The following EPHB1 variants were observed in gnomAD, a reference collection of about 807,000 sequenced individuals.
EPHB1 encodes the protein EPH receptor B1.
Under a neutral mutation model 94.4 loss-of-function variants are expected in EPHB1, and 30 were observed. The ratio of observed to expected loss-of-function variants is 0.32; its 90% CI spans 0.24 to 0.43. The LOEUF is 0.43. Among genes scored for constraint, EPHB1 ranks in the 20% least tolerant of loss-of-function variants. The pLI is 1.00. For missense variants in EPHB1, 1,055 were observed against 1,308.3 expected, an observed-to-expected ratio of 0.81 and a Z score of 2.99; for synonymous variants, 522 against 489.1, an observed-to-expected ratio of 1.07 and a Z score of -0.89.
chr3:134,960,016 C>T lies in EPHB1; in HGVS notation c.805+7964C>T, dbSNP rs866390138. The stretch of plus-strand genomic sequence containing the variant: ...TTTTTTTTTTTTTTTTTTGCATGGA[C>T]GGAGACTCACCACTTTTCAGTTTGA... On this transcript the variant is annotated intron_variant, in intron 3 of 15. Coordinates refer to ENST00000398015, the MANE Select transcript of EPHB1 (RefSeq NM_004441.5). Among the ~76,000 whole-genome samples, 32 of 94,622 alleles carry T rather than the reference C, an allele frequency of 3.4e-4. 1 individual carries two copies. In the Middle Eastern group the frequency reaches 0.049, roughly 145 times the overall value. The allele number at this position is 94,622 out of a possible 152,430, so 62.1% of individuals were successfully genotyped here.
chr3:134,953,809 T>A (rs1933133014), intron 3 of EPHB1, among the ~76,000 whole-genome samples: 1 of 152,234 alleles, frequency 6.6e-6, no homozygotes, highest in Admixed American at 6.5e-5. Flanking sequence ...ACTTTTCTTT[T>A]TTAGAGGGTT....
At chr3:135,011,884 T>C (rs1935632176) in intron 3 of EPHB1, among the ~76,000 whole-genome samples, 1 of 152,258 alleles carries the variant, frequency 6.6e-6, no homozygotes, top group Non-Finnish European at 1.5e-5. Flanking sequence ...TTGATTTTTC[T>C]CTTTTTTCCT....
intron 1 of EPHB1, among the ~76,000 whole-genome samples, chr3:134,878,413 A>G (rs1157802437): frequency 6.6e-6 from 1 of 152,244 alleles, no homozygotes; most frequent in Non-Finnish European, 1.5e-5. Flanking sequence ...CCTTTGAATT[A>G]GAAACCCTAC....
intron 1 of EPHB1, among the ~76,000 whole-genome samples, chr3:134,916,742 C>T (rs952687941): frequency 1.5e-5 from 2 of 133,370 alleles, no homozygotes; most frequent in African/African-American, 6.3e-5. Flanking sequence ...CGTGCCTCTC[C>T]CTCCACACCT....
chr3:135,019,631 G>T (rs2107753596), intron 3 of EPHB1, among the ~76,000 whole-genome samples: 1 of 152,080 alleles, frequency 6.6e-6, no homozygotes, highest in Middle Eastern at 3.4e-3. Flanking sequence ...TGTGTGTATG[G>T]GATCACATTG....
At chr3:135,005,942 G>A (rs748197295) in intron 3 of EPHB1, among the ~76,000 whole-genome samples, 131 of 152,322 alleles carry the variant, frequency 8.6e-4, no homozygotes, top group Non-Finnish European at 1.6e-3. Context: ...GCTGGGAGCT[G>A]TAGACCGGAG....
chr3:135,107,573 G>A (rs1342400171), intron 4 of EPHB1, among the ~76,000 whole-genome samples: 1 of 152,130 alleles, frequency 6.6e-6, no homozygotes, highest in African/African-American at 2.4e-5. Flanking sequence ...TGTGAGCAGG[G>A]ACCTTTCTTT....
chr3:134,795,560 C>T lies in EPHB1; in HGVS notation c.-72C>T. Reference sequence around the variant, plus strand: ...AAGCCACCCGCGGAGAGCGCAGCGGCGCCCTGGGACGCGGCGCTCTCCCGG... The same window carrying T: ...AAGCCACCCGCGGAGAGCGCAGCGGTGCCCTGGGACGCGGCGCTCTCCCGG... On this transcript the variant is annotated 5_prime_UTR_variant, in exon 1 of 16. Coordinates refer to ENST00000398015, the MANE Select transcript of EPHB1 (RefSeq NM_004441.5). 2.7e-6 allele frequency: 4 copies of T among 1,457,766 alleles called. No homozygotes were observed. The highest frequency in any genetic ancestry group is 2.4e-5 in the East Asian group (1 of 41,312). 90.3% of individuals were successfully genotyped at this position (1,457,766 alleles called of 1,614,324 possible). A position where few individuals can be genotyped will look rare whatever the true frequency, so the allele number is the denominator to read the frequency against.
intron 3 of EPHB1, among the ~76,000 whole-genome samples, chr3:135,083,521 A>G (rs1686520574): frequency 6.6e-6 from 1 of 151,928 alleles, no homozygotes; most frequent in Non-Finnish European, 1.5e-5. Flanking sequence ...TTGAAAATAC[A>G]GAAGAGAGGA....
At chr3:134,991,798 T>C (rs1299494508) in intron 3 of EPHB1, among the ~76,000 whole-genome samples, 1 of 152,150 alleles carries the variant, frequency 6.6e-6, no homozygotes, top group East Asian at 1.9e-4. Flanking sequence ...CCTAAGTCAG[T>C]CTCACCTGAC....
At chr3:135,080,319 G>A (rs1938120582) in intron 3 of EPHB1, among the ~76,000 whole-genome samples, 1 of 152,216 alleles carries the variant, frequency 6.6e-6, no homozygotes, top group Non-Finnish European at 1.5e-5. Flanking sequence ...AAGGGAAAAA[G>A]TAGGGCCAGA....
intron 4 of EPHB1, 148 bp downstream of exon 4, chr3:135,106,751 A>G (rs751685251): frequency 2.0e-5 from 20 of 1,005,812 alleles, no homozygotes; most frequent in Non-Finnish European, 2.9e-5. Flanking sequence ...TACAACTCCT[A>G]TGCTCGGAGT....
Position 134,951,856 on chromosome 3 carries a change from T to C in EPHB1, c.609T>C (p.Phe203=), listed in dbSNP as rs1464132094. The C allele has an allele frequency of 1.2e-6, 2 of 1,613,936 alleles. No individual in the cohort carries two copies. The highest frequency in any genetic ancestry group is 3.3e-5 in the Admixed American group (2 of 60,012). The change falls in exon 3 of 16, where the codon TTT becomes TTC. Residue 203 remains phenylalanine, a synonymous_variant. Coordinates refer to ENST00000398015, the MANE Select transcript of EPHB1 (RefSeq NM_004441.5). The surrounding 1 kb of genome is among the most constrained non-coding windows in gnomAD (Gnocchi z 4.5). ...AGTGTCCCAGCATTGTGCAAAATTT[T>C]GCAGTGTTTCCAGAGACTATGACAG... ...FKKCPSIVQN[F]AVFPETMTGA...
intron 5 of EPHB1, among the ~76,000 whole-genome samples, chr3:135,146,736 A>G (rs191669458): frequency 1.5e-4 from 23 of 152,274 alleles, no homozygotes; most frequent in African/African-American, 5.5e-4. Flanking sequence ...TGGTCGACAT[A>G]TTTATATATC....
At chr3:135,013,986 C>A (rs1935707166) in intron 3 of EPHB1, among the ~76,000 whole-genome samples, 5 of 152,122 alleles carry the variant, frequency 3.3e-5, no homozygotes, top group Non-Finnish European at 7.4e-5. Context: ...AATGTTCATT[C>A]CTGCTTGAGT....
At chr3:135,122,972 A>C (rs981751432) in intron 4 of EPHB1, among the ~76,000 whole-genome samples, 1 of 152,198 alleles carries the variant, frequency 6.6e-6, no homozygotes, top group East Asian at 1.9e-4. Flanking sequence ...TCCTGGAATC[A>C]TGGTTGTTCT....
At chr3:134,942,640 T>C (rs529957478) in intron 2 of EPHB1, among the ~76,000 whole-genome samples, 21 of 152,238 alleles carry the variant, frequency 1.4e-4, no homozygotes, top group African/African-American at 5.1e-4. Context: ...TCTGGGGTAT[T>C]GGGGAGAGGT....
At chr3:135,195,475 C>T (rs1418574870) in intron 11 of EPHB1, among the ~76,000 whole-genome samples, 1 of 151,236 alleles carries the variant, frequency 6.6e-6, no homozygotes, top group Non-Finnish European at 1.5e-5. Context: ...CCAATGCTAT[C>T]CCTCCCCCAT....
At position 134,811,987 on chromosome 3, in the gene EPHB1, G is replaced by A. The variant is rs1490094534; in HGVS notation, c.58+16298G>A. On this transcript the variant is annotated intron_variant, in intron 1 of 15. Transcript: ENST00000398015. ...TAACTCAGAAGCCTTGGGCAGGAGT[G>A]ACTTGCCAGTAGGTGTGGAAGCATT... 5.3e-5 allele frequency among the ~76,000 whole-genome samples: 8 copies of A among 152,312 alleles called. No individual in the cohort carries two copies. The East Asian group carries it at 1.5e-3, about 29-fold the overall frequency.
Sources: gnomAD v4.1 joint callset for allele counts (sites outside exome capture counted in the v4.1 genomes callset) on GRCh38, gnomAD v4.1.1 for gene constraint, Gnocchi (gnomAD v3.1) non-coding constraint, MANE v1.5 for transcripts, NCBI Gene and HGNC (gene_info 2026-07-23, HGNC 2026-07-21) for gene names.